TSPAN9: variants seen among roughly 807,000 people sequenced by gnomAD.
TSPAN9 encodes the protein tetraspanin-9.
A neutral mutation model predicts 31.0 loss-of-function variants in TSPAN9; 16 were observed. That is an observed-to-expected ratio of 0.52 (90% CI 0.35 to 0.78). TSPAN9 has a LOEUF of 0.78. TSPAN9 is among the 30% of genes least tolerant of loss of function. TSPAN9 has a pLI of 0.01. For synonymous variants in TSPAN9, 145 were observed against 121.6 expected (o/e 1.19, Z -1.27); for missense variants, 272 against 312.5 (o/e 0.87, Z 0.98).
At chr12:3,144,980 T>C (rs1172404279) in intron 2 of TSPAN9, among the ~76,000 whole-genome samples, 1 of 152,264 alleles carries the variant, frequency 6.6e-6, no homozygotes, top group Non-Finnish European at 1.5e-5. Context: ...TAGCATTTAA[T>C]TGGACTTCAA....
intron 2 of TSPAN9, among the ~76,000 whole-genome samples, chr12:3,167,108 G>A (rs1672638887): frequency 6.6e-6 from 1 of 152,116 alleles, no homozygotes; most frequent in Admixed American, 6.5e-5. Flanking sequence ...ATAGACTAAG[G>A]CCTTTACGTA....
At chr12:3,100,616 C>T (rs1156511061) in intron 2 of TSPAN9, among the ~76,000 whole-genome samples, 3 of 152,304 alleles carry the variant, frequency 2.0e-5, no homozygotes, top group East Asian at 1.9e-4. Context: ...TAAGTCCAGA[C>T]CTTGTGGCTT....
chr12:3,186,638 G>A (rs1565606587), intron 2 of TSPAN9, among the ~76,000 whole-genome samples: 1 of 152,084 alleles, frequency 6.6e-6, no homozygotes, highest in Non-Finnish European at 1.5e-5. Flanking sequence ...GAAGGCATTA[G>A]GGGGTTTTGC....
intron 3 of TSPAN9, among the ~76,000 whole-genome samples, chr12:3,253,426 G>C (rs918715233): frequency 6.6e-6 from 1 of 152,158 alleles, no homozygotes; most frequent in Non-Finnish European, 1.5e-5. Flanking sequence ...TCTGGGCCTC[G>C]TTTCTCATCT....
intron 2 of TSPAN9, among the ~76,000 whole-genome samples, chr12:3,129,820 G>A (rs956189526): frequency 7.2e-5 from 11 of 152,272 alleles, no homozygotes; most frequent in South Asian, 4.1e-4. Context: ...GGTTCCTGCC[G>A]TGTGGAGTGG....
At chr12:3,234,851 T>C (rs1326657331) in intron 3 of TSPAN9, among the ~76,000 whole-genome samples, 1 of 151,906 alleles carries the variant, frequency 6.6e-6, no homozygotes, top group African/African-American at 2.4e-5. Flanking sequence ...GAGTTGTCGC[T>C]GTTTAGGAAA....
chr12:3,178,192 A>G (rs971753837), intron 2 of TSPAN9, among the ~76,000 whole-genome samples: 4 of 152,064 alleles, frequency 2.6e-5, no homozygotes, highest in Admixed American at 6.5e-5. Context: ...CTCCCCATAC[A>G]GTGCTTAGCA....
At chr12:3,198,835 T>C (rs879111748) in intron 2 of TSPAN9, among the ~76,000 whole-genome samples, 29 of 30,478 alleles carry the variant, frequency 9.5e-4, no homozygotes, top group African/African-American at 3.2e-3. Context: ...CCAGCACAGG[T>C]CACACCAGCA....
At chr12:3,228,469 C>T (rs971272771) in intron 3 of TSPAN9, among the ~76,000 whole-genome samples, 4 of 152,226 alleles carry the variant, frequency 2.6e-5, no homozygotes, top group African/African-American at 9.6e-5. Flanking sequence ...GTCACACAAG[C>T]ACTAGGGGGA....
At chr12:3,205,718 GCCCCCCCCCC>G (rs60604328) in intron 3 of TSPAN9, among the ~76,000 whole-genome samples, 1 of 100,610 alleles carries the variant, frequency 9.9e-6, no homozygotes, top group African/African-American at 3.1e-5. Context: ...AGGCACTTAG[GCCCCCCCCCC>G]CCAGAGTGCT....
At chr12:3,271,544 G>GAA (rs10709802) in intron 3 of TSPAN9, among the ~76,000 whole-genome samples, 2 of 143,420 alleles carry the variant, frequency 1.4e-5, no homozygotes, top group African/African-American at 2.6e-5. Flanking sequence ...GAGGTATGCA[G>GAA]AAAAAAAAAA....
intron 2 of TSPAN9, among the ~76,000 whole-genome samples, chr12:3,178,796 C>G (rs1167772445): frequency 1.3e-5 from 2 of 152,178 alleles, no homozygotes; most frequent in African/African-American, 2.4e-5. Flanking sequence ...CTCACTTGCC[C>G]TTGGCTGTGT....
Position 3,124,400 on chromosome 12 carries a change from C to T in TSPAN9, c.-18+40681C>T, listed in dbSNP as rs143180372. On this transcript the variant is annotated intron_variant, in intron 2 of 8. Transcript: ENST00000011898. Reference sequence around the variant, plus strand: ...AATTGGAAGCATACTGAATGTCTAACAATAGAAAATTAGTTATATAAATTT... The same window carrying T: ...AATTGGAAGCATACTGAATGTCTAATAATAGAAAATTAGTTATATAAATTT... 1.6e-4 allele frequency among the ~76,000 whole-genome samples: 24 copies of T among 151,670 alleles called. No homozygotes were observed. In the East Asian group the frequency reaches 4.3e-3, roughly 27 times the overall value.
intron 2 of TSPAN9, among the ~76,000 whole-genome samples, chr12:3,159,124 G>A (rs1192471750): frequency 6.6e-6 from 1 of 151,696 alleles, no homozygotes; most frequent in Non-Finnish European, 1.5e-5. Context: ...TTCTTTCTAA[G>A]TTTAAAGTTC....
intron 3 of TSPAN9, chr12:3,206,152 C>T: frequency 2.6e-6 from 1 of 388,834 alleles, no homozygotes; most frequent in South Asian, 1.9e-5. Flanking sequence ...TGCCTGGCTG[C>T]CCTTGGCTGA....
chr12:3,241,322 T>G (rs775513818), intron 3 of TSPAN9, among the ~76,000 whole-genome samples: 1 of 152,202 alleles, frequency 6.6e-6, no homozygotes, highest in Non-Finnish European at 1.5e-5. Context: ...GGGAAAGTGT[T>G]CACACTGTGG....
At chr12:3,201,708 A>AT (rs1301663031) in intron 3 of TSPAN9, among the ~76,000 whole-genome samples, 3 of 152,154 alleles carry the variant, frequency 2.0e-5, no homozygotes, top group African/African-American at 7.2e-5. Context: ...AATCTGCAGC[A>AT]TTTTATGGGA....
At chr12:3,138,171 A>T (rs1175245310) in intron 2 of TSPAN9, among the ~76,000 whole-genome samples, 1 of 151,740 alleles carries the variant, frequency 6.6e-6, no homozygotes, top group Non-Finnish European at 1.5e-5. Flanking sequence ...TGGTAGTGTG[A>T]TTTTTCCACC....
chr12:3,216,109 A>G (rs1277089336), intron 3 of TSPAN9, among the ~76,000 whole-genome samples: 3 of 152,126 alleles, frequency 2.0e-5, no homozygotes, highest in Non-Finnish European at 4.4e-5. Flanking sequence ...AAGTAACCTC[A>G]GTCCATGCTC....
Sources: allele counts gnomAD v4.1 joint callset (sites outside exome capture counted in the v4.1 genomes callset), GRCh38; gene constraint gnomAD v4.1.1; transcripts MANE v1.5; gene names NCBI Gene and HGNC (gene_info 2026-07-23, HGNC 2026-07-21).